The following CSMD1 variants were observed in gnomAD, a reference collection of about 807,000 sequenced individuals.
CSMD1 encodes CUB and Sushi multiple domains 1.
CSMD1 carries 213 observed loss-of-function variants against 417.5 expected under a neutral mutation model. That is an observed-to-expected ratio of 0.51 (90% confidence interval 0.46 to 0.57). The LOEUF (loss-of-function observed/expected upper bound fraction) is 0.57, where lower values mean the gene tolerates loss of function less well. Among genes scored for constraint, CSMD1 ranks in the 20% least tolerant of loss-of-function variants. The probability of loss-of-function intolerance (pLI) is 0.00; values close to 1 mark genes in which losing one functional copy is unlikely to be tolerated. For synonymous variants in CSMD1, 2,862 were observed against 1,736.8 expected, an observed-to-expected ratio of 1.65 and a Z score of -16.11; for missense variants, 6,923 against 4,529.7, an observed-to-expected ratio of 1.53 and a Z score of -15.17.
intron 40 of CSMD1, among the ~76,000 whole-genome samples, chr8:3,144,289 C>G (rs1335660313): frequency 6.6e-6 from 1 of 152,002 alleles, no homozygotes; most frequent in East Asian, 1.9e-4. Flanking sequence ...TGCCAATAGA[C>G]TAGACAAGAG....
At chr8:4,368,822 T>G (rs1802240141) in intron 3 of CSMD1, among the ~76,000 whole-genome samples, 1 of 152,168 alleles carries the variant, frequency 6.6e-6, no homozygotes, top group African/African-American at 2.4e-5. Context: ...GCTTTGTCAT[T>G]TCTAAGTGTC....
intron 1 of CSMD1, among the ~76,000 whole-genome samples, chr8:4,859,563 GA>G (rs1415202193): frequency 3.3e-5 from 5 of 151,736 alleles, no homozygotes; most frequent in African/African-American, 1.2e-4. Context: ...AAATTTACAA[GA>G]AAAAAACAAA....
At position 2,962,563 on chromosome 8, in the gene CSMD1, G is replaced by A. The variant is rs764071937; in HGVS notation, c.9531C>T (p.Val3177=). ...TAAATGGAGATTTGCACTGGAAGAA[G>A]ACTTCGGACTTATAGGTGAAACTTT... ...SGKSFTYKSE[V]FFQCKSPFIL... Residue 3177 remains valine, a synonymous_variant, in exon 61 of 70, where the codon GTC becomes GTT. Coordinates refer to ENST00000635120, the MANE Select transcript of CSMD1 (RefSeq NM_033225.6). 1.2e-6 allele frequency: 2 copies of A among 1,613,908 alleles called. No individual in the cohort carries two copies. The highest frequency in any genetic ancestry group is 1.7e-6 in the Non-Finnish European group (2 of 1,179,858).
intron 17 of CSMD1, among the ~76,000 whole-genome samples, chr8:3,394,670 T>G (rs1811577318): frequency 6.6e-6 from 1 of 152,084 alleles, no homozygotes; most frequent in South Asian, 2.1e-4. Flanking sequence ...AATACAAGGC[T>G]TATTAGGGAT....
intron 2 of CSMD1, among the ~76,000 whole-genome samples, chr8:4,458,224 T>C (rs983833735): frequency 2.0e-5 from 3 of 152,156 alleles, no homozygotes; most frequent in Non-Finnish European, 4.4e-5. Flanking sequence ...ATGGAACTTA[T>C]AATGATCGGT....
rs544682070 is a variant in CSMD1 at position 3,141,849 on chromosome 8, G to C, written c.6241+616C>G. Among the ~76,000 whole-genome samples the C allele has an allele frequency of 1.5e-3, 220 of 150,238 alleles. 1 individual carries two copies. The highest frequency in any genetic ancestry group is 0.014 in the South Asian group (67 of 4,730). ...GTCTGGCTCTGTCGCCCAGGCTGGA[G>C]TGCAGTGGCGCGATCTCTCCTCACT... On this transcript the variant is annotated intron_variant, in intron 41 of 69. Transcript: ENST00000635120.
chr8:4,405,047 T>C (rs1003496518), intron 3 of CSMD1, among the ~76,000 whole-genome samples: 1 of 152,254 alleles, frequency 6.6e-6, no homozygotes, highest in African/African-American at 2.4e-5. Flanking sequence ...GTCGTGACTA[T>C]GCTGGACACT....
intron 5 of CSMD1, among the ~76,000 whole-genome samples, chr8:3,903,849 G>C (rs911958086): frequency 3.3e-5 from 5 of 151,954 alleles, no homozygotes; most frequent in African/African-American, 1.2e-4. Context: ...TAGTGGTCTT[G>C]TTTGTTAGGG....
At chr8:3,706,247 G>A (rs1489360831) in intron 7 of CSMD1, among the ~76,000 whole-genome samples, 4 of 152,200 alleles carry the variant, frequency 2.6e-5, no homozygotes, top group Non-Finnish European at 1.5e-5. Flanking sequence ...CTATGGAAAG[G>A]ATTACTATTT....
intron 6 of CSMD1, among the ~76,000 whole-genome samples, chr8:3,729,395 A>T (rs1802689871): frequency 6.6e-6 from 1 of 152,176 alleles, no homozygotes; most frequent in Non-Finnish European, 1.5e-5. Context: ...GTGCTCAGTC[A>T]GTTCTTAGGC....
At chr8:3,484,946 G>T (rs895025633) in intron 11 of CSMD1, among the ~76,000 whole-genome samples, 1 of 151,920 alleles carries the variant, frequency 6.6e-6, no homozygotes, top group Non-Finnish European at 1.5e-5. Context: ...TGAGCATGAG[G>T]ACCACTTAAC....
chr8:4,256,618 T>C (rs1031926316), intron 3 of CSMD1, among the ~76,000 whole-genome samples: 2 of 152,096 alleles, frequency 1.3e-5, no homozygotes, highest in Non-Finnish European at 2.9e-5. Flanking sequence ...ACCTTGAGAA[T>C]CAGTGAGACC....
chr8:4,799,280 A>T (rs1798151184), intron 1 of CSMD1, among the ~76,000 whole-genome samples: 1 of 152,198 alleles, frequency 6.6e-6, no homozygotes, highest in South Asian at 2.1e-4. Context: ...AGGAATGATC[A>T]ATTGGTAAAG....
At chr8:3,104,710 C>CTTT (rs34005345) in intron 46 of CSMD1, among the ~76,000 whole-genome samples, 3 of 135,024 alleles carry the variant, frequency 2.2e-5, no homozygotes, top group Admixed American at 7.6e-5. Context: ...TTTTTCTTTT[C>CTTT]TTTTTTTTTT....
chr8:3,303,201 C>G (rs559477738), intron 25 of CSMD1, among the ~76,000 whole-genome samples: 5 of 152,296 alleles, frequency 3.3e-5, no homozygotes, highest in African/African-American at 4.8e-5. Context: ...GGAAAATTCT[C>G]CAACCCATGG....
chr8:4,808,244 C>T (rs1264389458), intron 1 of CSMD1, among the ~76,000 whole-genome samples: 1 of 152,090 alleles, frequency 6.6e-6, no homozygotes, highest in Non-Finnish European at 1.5e-5. Flanking sequence ...GCATTAGGAA[C>T]GATGATCAGA....
intron 20 of CSMD1, among the ~76,000 whole-genome samples, chr8:3,363,023 C>A (rs1398038352): frequency 6.6e-6 from 1 of 152,186 alleles, no homozygotes; most frequent in African/African-American, 2.4e-5. Context: ...ATGTTATCTG[C>A]CCTCCATAAC....
At chr8:3,236,442 G>C (rs1055779037) in intron 26 of CSMD1, among the ~76,000 whole-genome samples, 1 of 152,196 alleles carries the variant, frequency 6.6e-6, no homozygotes, top group African/African-American at 2.4e-5. Context: ...CTTGAGGAAG[G>C]AGAAAGAGAA....
intron 10 of CSMD1, among the ~76,000 whole-genome samples, chr8:3,563,338 G>T (rs1799554089): frequency 6.8e-6 from 1 of 147,104 alleles, no homozygotes; most frequent in East Asian, 2.1e-4. Flanking sequence ...TTGCTTTGTT[G>T]TTACTCATAT....
Sources: gnomAD v4.1 joint callset for allele counts (sites outside exome capture counted in the v4.1 genomes callset) on GRCh38, gnomAD v4.1.1 for gene constraint, MANE v1.5 for transcripts, NCBI Gene and HGNC (gene_info 2026-07-23, HGNC 2026-07-21) for gene names.